Variants in TNRC6B observed in about 807,000 individuals in gnomAD.
The protein encoded by TNRC6B is trinucleotide repeat-containing gene 6B protein.
In TNRC6B, 52 loss-of-function variants were observed where a neutral mutation model predicts 203.6. That is an observed-to-expected ratio of 0.26 (90% CI 0.20 to 0.32). The LOEUF is 0.32. Among genes scored for constraint, TNRC6B ranks in the 10% least tolerant of loss-of-function variants. The probability of loss-of-function intolerance (pLI) is 1.00; values close to 1 mark genes in which losing one functional copy is unlikely to be tolerated. For synonymous variants in TNRC6B, 838 were observed against 845.7 expected, an observed-to-expected ratio of 0.99 and a Z score of 0.16; for missense variants, 1,923 against 2,286.2, an observed-to-expected ratio of 0.84 and a Z score of 3.24.
intron 3 of TNRC6B, among the ~76,000 whole-genome samples, chr22:40,257,685 C>T (rs1272634546): frequency 6.6e-6 from 1 of 150,392 alleles, no homozygotes; most frequent in Admixed American, 6.6e-5. Flanking sequence ...CACTGTACTC[C>T]AGCCTGGGCA....
At chr22:40,138,414 C>CA (rs1781747534) in intron 3 of TNRC6B, among the ~76,000 whole-genome samples, 1 of 152,114 alleles carries the variant, frequency 6.6e-6, no homozygotes, top group Admixed American at 6.5e-5. Flanking sequence ...TACAGGCACA[C>CA]ACCACCATGC....
At chr22:40,298,606 G>A (rs2070977258) in intron 12 of TNRC6B, among the ~76,000 whole-genome samples, 1 of 152,250 alleles carries the variant, frequency 6.6e-6, no homozygotes. Flanking sequence ...TGTCATTCCA[G>A]TTGGAGATCA....
chr22:40,178,757 C>T (rs1326171899), intron 1 of TNRC6B, among the ~76,000 whole-genome samples: 1 of 152,142 alleles, frequency 6.6e-6, no homozygotes, highest in African/African-American at 2.4e-5. Context: ...ATATGTGGCT[C>T]ACCCCTCTCC....
intron 22 of TNRC6B, among the ~76,000 whole-genome samples, chr22:40,321,976 C>T (rs539131663): frequency 2.6e-5 from 4 of 152,152 alleles, no homozygotes; most frequent in Admixed American, 1.3e-4. Flanking sequence ...AACTGGTGGA[C>T]GGAGAAGACC....
At chr22:40,098,540 G>A (rs2146302604) in intron 1 of TNRC6B, among the ~76,000 whole-genome samples, 1 of 152,104 alleles carries the variant, frequency 6.6e-6, no homozygotes, top group Non-Finnish European at 1.5e-5. Flanking sequence ...TGCATTATCA[G>A]ACTTTTTAAT....
chr22:40,233,208 A>G (rs2069900640), intron 1 of TNRC6B, among the ~76,000 whole-genome samples: 1 of 152,084 alleles, frequency 6.6e-6, no homozygotes, highest in Non-Finnish European at 1.5e-5. Flanking sequence ...CTGTAGTCCC[A>G]GTTACTTGGG....
In TNRC6B at chr22:40,315,400, C is replaced by T; in HGVS notation, c.4796C>T (p.Pro1599Leu). ...TCCTCCAGGAACACTACACCGCTGC[C>T]CCGCCCACCTCCTGGTCTGACCAAC... is the stretch of plus-strand genomic sequence containing the variant. The part of the protein sequence containing the change: ...HISSRNTTPL[P>L]RPPPGLTNPK... The change falls in exon 20 of 23, where the codon CCC becomes CTC. Residue 1599 changes from proline (P) to leucine (L), a missense_variant. Transcript: ENST00000454349. 1 of 1,614,010 alleles carries T rather than the reference C, an allele frequency of 6.2e-7. No homozygotes were observed. The highest frequency in any genetic ancestry group is 8.5e-7 in the Non-Finnish European group (1 of 1,179,900).
chr22:40,192,616 CA>C (rs199530692), intron 1 of TNRC6B, among the ~76,000 whole-genome samples: 16,993 of 144,662 alleles, frequency 0.12, 1,021 homozygotes, highest in South Asian at 0.16. Context: ...GACTCTGCCT[CA>C]AAAAAAAAAA....
chr22:40,111,228 G>C (rs1263774389), intron 1 of TNRC6B, among the ~76,000 whole-genome samples: 1 of 152,234 alleles, frequency 6.6e-6, no homozygotes, highest in South Asian at 2.1e-4. Flanking sequence ...GCGAAACCAC[G>C]TGGTGCTCAA....
chr22:40,323,135 C>A lies in TNRC6B; in HGVS notation c.5396C>A (p.Ser1799Tyr), dbSNP rs1443672849. 6.2e-7 allele frequency: 1 copy of A among 1,613,718 alleles called. No homozygotes were observed. Among genetic ancestry groups the A allele is most frequent in the South Asian group, 1.1e-5 (1 of 91,062 alleles). ...TCATTGTGGGGGCCCCCAAACTATT[C>A]TTCTAGCTTATGGGGAGTCCCAACG... is the stretch of plus-strand genomic sequence containing the variant. Reference protein sequence around the residue: ...GASLWGPPNYSSSLWGVPTVE... With the variant: ...GASLWGPPNYYSSLWGVPTVE... Residue 1799 changes from serine (S) to tyrosine (Y), a missense_variant, in exon 23 of 23, where the codon TCT becomes TAT. By Grantham distance (144) the Ser-to-Tyr change is moderately radical. Around this residue, in one of 8 missense-constraint regions of TNRC6B, gnomAD observed 126 missense variants for 137.5 expected, o/e 0.92. Coordinates refer to ENST00000454349, the MANE Select transcript of TNRC6B (RefSeq NM_001162501.2).
In TNRC6B at chr22:40,280,537, T is replaced by A. The variant is rs5757901; in HGVS notation, c.3411+394T>A. On this transcript the variant is annotated intron_variant, in intron 10 of 22. Transcript: ENST00000454349. Reference sequence around the variant, plus strand: ...TTTGAGATAACTCTGTTGTTATCTTTCCCCAGTTCCTAGCGATCTGTGTTT... The same window carrying A: ...TTTGAGATAACTCTGTTGTTATCTTACCCCAGTTCCTAGCGATCTGTGTTT... Among the ~76,000 whole-genome samples, 5 of 152,378 alleles carry A rather than the reference T, an allele frequency of 3.3e-5. No individual in the cohort carries two copies. In the East Asian group the frequency reaches 7.7e-4, roughly 23 times the overall value.
intron 3 of TNRC6B, chr22:40,125,897 A>C: frequency 6.2e-7 from 1 of 1,601,850 alleles, no homozygotes; most frequent in Non-Finnish European, 8.5e-7. Context: ...GTTTGGGTAG[A>C]AATTGAACAG....
At chr22:40,242,517 G>A (rs141165041) in intron 1 of TNRC6B, among the ~76,000 whole-genome samples, 2,745 of 151,338 alleles carry the variant, frequency 0.018, 57 homozygotes, top group African/African-American at 0.048. Context: ...CGCAACCTCC[G>A]CCTCCCAGGT....
intron 4 of TNRC6B, among the ~76,000 whole-genome samples, chr22:40,158,637 T>C (rs2068841376): frequency 1.3e-5 from 2 of 152,184 alleles, no homozygotes; most frequent in African/African-American, 4.8e-5. Context: ...CCCCAGCAAG[T>C]TGGAATGCCA....
rs562684685 is a variant in TNRC6B at position 40,143,672 on chromosome 22, A to G, written c.46-12443A>G. ...CCACCACGCCCCGCTAATTTTTTGT[A>G]TTTTTAGTAGAGACAGGGTTTCACC... On this transcript the variant is annotated intron_variant, in intron 3 of 23. Transcript: ENST00000301923. 1.4e-3 allele frequency among the ~76,000 whole-genome samples: 219 copies of G among 151,956 alleles called. 2 individuals carry two copies. Among genetic ancestry groups the G allele is most frequent in the Non-Finnish European group, 2.8e-3 (193 of 67,972 alleles).
At chr22:40,230,047 A>T (rs2069845540) in intron 1 of TNRC6B, among the ~76,000 whole-genome samples, 1 of 152,164 alleles carries the variant, frequency 6.6e-6, no homozygotes, top group Non-Finnish European at 1.5e-5. Flanking sequence ...GTGTTTTCCA[A>T]AGTGATTGTA....
chr22:40,079,606 G>A (rs2068048710), intron 1 of TNRC6B, among the ~76,000 whole-genome samples: 1 of 151,212 alleles, frequency 6.6e-6, no homozygotes, highest in African/African-American at 2.4e-5. Context: ...TGAAGAAGCA[G>A]GTCTAACTTT....
At chr22:40,075,152 ATATATTTTTTTTTTT>A (rs1569251640) in intron 1 of TNRC6B, among the ~76,000 whole-genome samples, 1 of 65,190 alleles carries the variant, frequency 1.5e-5, no homozygotes, top group African/African-American at 1.1e-4. Flanking sequence ...ATATATATAT[ATATATTTTTTTTTTT>A]TTTTTTTTTT....
chr22:40,141,142 A>G (rs867096686), intron 3 of TNRC6B, among the ~76,000 whole-genome samples: 37 of 151,328 alleles, frequency 2.4e-4, no homozygotes, highest in African/African-American at 8.7e-4. Flanking sequence ...TTTTTAATTA[A>G]CGAATTTATT....
Sources: allele counts gnomAD v4.1 joint callset (sites outside exome capture counted in the v4.1 genomes callset), GRCh38; gene constraint gnomAD v4.1.1; regional missense constraint gnomAD v4.1.1; transcripts MANE v1.5; gene names NCBI Gene and HGNC (gene_info 2026-07-23, HGNC 2026-07-21).